Variants in DNASE1 observed in about 807,000 individuals in gnomAD.
The protein encoded by DNASE1 is deoxyribonuclease 1.
Under a neutral mutation model 33.9 loss-of-function variants are expected in DNASE1, and 40 were observed. That is an observed-to-expected ratio of 1.18 (90% CI 0.92 to 1.54). DNASE1 has a LOEUF of 1.54. Among genes scored for constraint, DNASE1 ranks in the 40% most tolerant of loss-of-function variants. The pLI, the probability that DNASE1 is intolerant of heterozygous loss-of-function variation, is 0.00. For missense variants in DNASE1, 518 were observed against 372.6 expected (o/e 1.39, Z -3.21); for synonymous variants, 216 against 160.0 (o/e 1.35, Z -2.64).
chr16:3,630,743 T>C (rs1054619293), intron 1 of DNASE1, among the ~76,000 whole-genome samples: 1 of 152,150 alleles, frequency 6.6e-6, no homozygotes, highest in Non-Finnish European at 1.5e-5. Context: ...GATTCTTTTT[T>C]GTAGTCCCAG....
intron 1 of DNASE1, among the ~76,000 whole-genome samples, chr16:3,615,667 A>C (rs2041075691): frequency 6.6e-6 from 1 of 152,214 alleles, no homozygotes; most frequent in Non-Finnish European, 1.5e-5. Context: ...TGGATGCAGA[A>C]GTACATGAAA....
rs374554105 is a variant in DNASE1, at chr16:3,656,744, C to T, written c.427C>T (p.Arg143Trp). The change falls in exon 5 of 9, where the codon CGG (arginine) becomes TGG (tryptophan). Residue 143 changes from arginine to tryptophan, a missense_variant. By Grantham distance (101) the Arg-to-Trp change is moderately radical (BLOSUM62 -3). Coordinates refer to ENST00000246949, the MANE Select transcript of DNASE1 (RefSeq NM_005223.4). ...GCCAGCCATTGTCAGGTTCTTCTCC[C>T]GGTTCACAGGTGGGTGCTGCCTGGG... is the stretch of plus-strand genomic sequence containing the variant. ...REPAIVRFFS[R>W]FTEVREFAIV... 2.2e-5 allele frequency: 35 copies of T among 1,607,634 alleles called. No homozygotes were observed. Among genetic ancestry groups the T allele is most frequent in the Middle Eastern group, 3.3e-4 (2 of 6,080 alleles).
intron 1 of DNASE1, among the ~76,000 whole-genome samples, chr16:3,628,806 G>A (rs546956771): frequency 7.4e-5 from 11 of 148,224 alleles, no homozygotes; most frequent in South Asian, 2.2e-4. Flanking sequence ...TGATCCGCCC[G>A]CCTCAGCTTC....
chr16:3,664,457 C>T (rs144397127), exon 10 of DNASE1: 8 of 1,608,688 alleles, frequency 5.0e-6, no homozygotes, highest in Non-Finnish European at 6.8e-6. Context: ...TTGCTATGTC[C>T]TCCTAGAAGG....
chr16:3,621,485 C>T (rs1187469053), intron 1 of DNASE1, among the ~76,000 whole-genome samples: 1 of 152,168 alleles, frequency 6.6e-6, no homozygotes, highest in Non-Finnish European at 1.5e-5. Context: ...CCCCTGACCT[C>T]CAAACTCCCT....
chr16:3,655,318 G>A (rs2042527833), intron 1 of DNASE1, 55 bp from the exon 2 acceptor site: 1 of 1,610,176 alleles, frequency 6.2e-7, no homozygotes, highest in East Asian at 2.2e-5. Flanking sequence ...CTGGAGTGCT[G>A]TGGCAGGGAT....
At chr16:3,651,608 A>G (rs1000611787), upstream of DNASE1, 6 of 152,340 alleles carry the variant, frequency 3.9e-5, no homozygotes, top group African/African-American at 1.4e-4. Context: ...GACAGCAGCC[A>G]GCTCCGCCTT....
downstream of DNASE1, chr16:3,658,914 GA>G (rs2042893280): frequency 1.9e-6 from 3 of 1,578,700 alleles, no homozygotes; most frequent in Middle Eastern, 1.7e-4. Flanking sequence ...CACGTGCTGT[GA>G]CCCTCCCTTC....
chr16:3,635,621 C>G (rs1567195050), intron 1 of DNASE1, among the ~76,000 whole-genome samples: 2 of 151,782 alleles, frequency 1.3e-5, no homozygotes, highest in Non-Finnish European at 2.9e-5. Context: ...CTACTGATGA[C>G]AGATTCTGTT....
chr16:3,632,402 G>C (rs979972058), intron 1 of DNASE1, among the ~76,000 whole-genome samples: 1 of 152,088 alleles, frequency 6.6e-6, no homozygotes, highest in African/African-American at 2.4e-5. Flanking sequence ...GTTGTTAGGC[G>C]TATACACATA....
chr16:3,662,326 A>C, downstream of DNASE1: 1 of 695,094 alleles, frequency 1.4e-6, no homozygotes, highest in Admixed American at 3.0e-5. Flanking sequence ...ACGCAAAGAT[A>C]CTGTGCCCGA....
At chr16:3,632,534 C>G (rs111633793) in intron 1 of DNASE1, among the ~76,000 whole-genome samples, 44 of 151,426 alleles carry the variant, frequency 2.9e-4, no homozygotes, top group African/African-American at 1.0e-3. Context: ...GCCACTGGGA[C>G]TTTCTTTTTG....
downstream of DNASE1, chr16:3,658,540 G>GC (rs144902185): frequency 2.9e-3 from 1,642 of 573,552 alleles, 26 homozygotes; most frequent in African/African-American, 0.028. Context: ...AATTAGCCAG[G>GC]CGCATGCCTG....
chr16:3,656,005 G>A (rs763474498), intron 3 of DNASE1, 68 bp downstream of exon 3: 7 of 1,610,462 alleles, frequency 4.3e-6, no homozygotes, highest in Admixed American at 3.3e-5. Context: ...CTTCACTTGG[G>A]CCCCAAGGGT....
chr16:3,612,439 C>G (rs1237851591), intron 1 of DNASE1, among the ~76,000 whole-genome samples: 1 of 151,424 alleles, frequency 6.6e-6, no homozygotes, highest in Non-Finnish European at 1.5e-5. Context: ...TTAGTAGAGA[C>G]TAGGTTTCAC....
intron 1 of DNASE1, among the ~76,000 whole-genome samples, chr16:3,636,935 T>A (rs1204444084): frequency 6.6e-6 from 1 of 151,036 alleles, no homozygotes; most frequent in Non-Finnish European, 1.5e-5. Flanking sequence ...ACCAGCCTGA[T>A]CAACATGGCG....
chr16:3,664,640 C>T (rs912185160), exon 10 of DNASE1: 6 of 639,864 alleles, frequency 9.4e-6, no homozygotes, highest in African/African-American at 5.6e-5. Context: ...CCCATCAGGC[C>T]CCTTTTGGGA....
At position 3,658,003 on chromosome 16, in the gene DNASE1, G is replaced by A; in HGVS notation, c.*50G>A. 6.2e-7 allele frequency: 1 copy of A among 1,612,418 alleles called. No homozygotes were observed. Among genetic ancestry groups the A allele is most frequent in the Non-Finnish European group, 8.5e-7 (1 of 1,179,210 alleles). On this transcript the variant is annotated 3_prime_UTR_variant, in exon 9 of 9. Transcript: ENST00000246949. ...ACTGCAGGAAGAGAGGACCCATCCT[G>A]CCACAGGACCCAGAAAAAAAGCCCA...
At chr16:3,640,151 A>G (rs991993652), upstream of DNASE1, among the ~76,000 whole-genome samples, 1 of 152,172 alleles carries the variant, frequency 6.6e-6, no homozygotes, top group Non-Finnish European at 1.5e-5. Flanking sequence ...TGGGAACACA[A>G]AATATTCCCT....
Sources: gnomAD v4.1 joint callset for allele counts (sites outside exome capture counted in the v4.1 genomes callset) on GRCh38, gnomAD v4.1.1 for gene constraint, MANE v1.5 for transcripts, NCBI Gene and HGNC (gene_info 2026-07-23, HGNC 2026-07-21) for gene names.